The following GRM8 variants were observed in gnomAD, a reference collection of about 807,000 sequenced individuals.
GRM8 encodes metabotropic glutamate receptor 8.
GRM8 carries 47 observed loss-of-function variants against 87.2 expected under a neutral mutation model. The ratio of observed to expected loss-of-function variants is 0.54; its 90% CI spans 0.43 to 0.69. The LOEUF is 0.69. GRM8 is among the 30% of genes least tolerant of loss of function. The pLI, the probability that GRM8 is intolerant of heterozygous loss-of-function variation, is 0.00. For synonymous variants in GRM8, 396 were observed against 404.5 expected (o/e 0.98, Z 0.25); for missense variants, 1,019 against 1,139.2 (o/e 0.89, Z 1.52).
chr7:126,790,161 C>T (rs13239613), intron 6 of GRM8, among the ~76,000 whole-genome samples: 56,210 of 151,966 alleles, frequency 0.37, 11,716 homozygotes, highest in Non-Finnish European at 0.47. Context: ...GCGTGCACCA[C>T]AATGCTCAGC....
At chr7:126,441,122 CT>C (rs1283597155) in intron 10 of GRM8, among the ~76,000 whole-genome samples, 2 of 151,958 alleles carry the variant, frequency 1.3e-5, no homozygotes, top group Non-Finnish European at 2.9e-5. Context: ...TTATAATTAG[CT>C]GTCCTATGAG....
intron 3 of GRM8, among the ~76,000 whole-genome samples, chr7:126,905,727 T>A (rs1186480151): frequency 1.3e-5 from 2 of 152,124 alleles, no homozygotes; most frequent in Admixed American, 6.5e-5. Context: ...GAAATAGGCA[T>A]TTGAATAAGT....
At position 126,516,151 on chromosome 7, in the gene GRM8, A is replaced by T. The variant is rs150989466; in HGVS notation, c.2430+16801T>A. Among the ~76,000 whole-genome samples, 292 of 152,094 alleles carry T rather than the reference A, an allele frequency of 1.9e-3. 2 individuals are homozygous for T. The highest frequency in any genetic ancestry group is 6.7e-3 in the African/African-American group (278 of 41,522). ...TCATCTTATCAATCTACTCTCATCA[A>T]CCTAGAATACAGTTGCTGGATAAAA... On this transcript the variant is annotated intron_variant, in intron 9 of 10. Coordinates refer to ENST00000339582, the MANE Select transcript of GRM8 (RefSeq NM_000845.3).
At chr7:126,524,112 A>G (rs1193049102) in intron 9 of GRM8, among the ~76,000 whole-genome samples, 1 of 152,178 alleles carries the variant, frequency 6.6e-6, no homozygotes, top group African/African-American at 2.4e-5. Context: ...ATGGATATAT[A>G]TGAATATATT....
intron 9 of GRM8, among the ~76,000 whole-genome samples, chr7:126,526,399 C>T (rs995761460): frequency 6.6e-6 from 1 of 152,102 alleles, no homozygotes; most frequent in Non-Finnish European, 1.5e-5. Context: ...AAAGTTCAAC[C>T]ATTTCGATGT....
chr7:126,794,931 A>G (rs1442075189), intron 6 of GRM8, among the ~76,000 whole-genome samples: 2 of 152,172 alleles, frequency 1.3e-5, no homozygotes, highest in Non-Finnish European at 2.9e-5. Flanking sequence ...GAAAATTTAT[A>G]AAAACACCAA....
At chr7:126,706,360 T>C (rs1350659034) in intron 7 of GRM8, among the ~76,000 whole-genome samples, 2 of 152,066 alleles carry the variant, frequency 1.3e-5, no homozygotes, top group East Asian at 1.9e-4. Context: ...AATGGTCTAG[T>C]TCCTGTCCAA....
intron 8 of GRM8, among the ~76,000 whole-genome samples, chr7:126,567,584 G>T (rs535257367): frequency 6.6e-6 from 1 of 152,224 alleles, no homozygotes; most frequent in South Asian, 2.1e-4. Context: ...TAGATTTCAT[G>T]TTAAGTGTTT....
intron 8 of GRM8, among the ~76,000 whole-genome samples, chr7:126,597,274 C>A (rs1797300425): frequency 1.3e-5 from 2 of 151,994 alleles, no homozygotes; most frequent in African/African-American, 2.4e-5. Flanking sequence ...ATTAATTTTT[C>A]TTTTGTCTTG....
intron 7 of GRM8, among the ~76,000 whole-genome samples, chr7:126,683,363 T>A (rs768480438): frequency 1.3e-4 from 20 of 152,320 alleles, no homozygotes; most frequent in South Asian, 8.3e-4. Flanking sequence ...ACTAACTCAT[T>A]CCCAATGAAG....
chr7:126,634,910 G>C (rs1349165287), intron 7 of GRM8, among the ~76,000 whole-genome samples: 16 of 152,206 alleles, frequency 1.1e-4, no homozygotes, highest in African/African-American at 3.6e-4. Flanking sequence ...GTCATGACTA[G>C]ACAACCATCC....
chr7:127,223,483 AC>A (rs1797097954), intron 2 of GRM8, among the ~76,000 whole-genome samples: 3 of 138,042 alleles, frequency 2.2e-5, no homozygotes, highest in Non-Finnish European at 4.7e-5. Context: ...ACACACACAC[AC>A]ACAAAACTGT....
intron 6 of GRM8, among the ~76,000 whole-genome samples, chr7:126,829,669 G>A (rs1307599979): frequency 6.6e-6 from 1 of 151,994 alleles, no homozygotes; most frequent in Non-Finnish European, 1.5e-5. Flanking sequence ...TTGCCAGTCT[G>A]TGTCTTTTAA....
At chr7:126,720,881 C>T (rs1039777174) in intron 7 of GRM8, among the ~76,000 whole-genome samples, 6 of 152,196 alleles carry the variant, frequency 3.9e-5, no homozygotes, top group Non-Finnish European at 8.8e-5. Flanking sequence ...TATGGGGAGA[C>T]TCAGAGCTTT....
At chr7:127,132,853 A>G (rs1827762573) in intron 2 of GRM8, among the ~76,000 whole-genome samples, 1 of 152,180 alleles carries the variant, frequency 6.6e-6, no homozygotes, top group Non-Finnish European at 1.5e-5. Flanking sequence ...TGGCAAAAGC[A>G]GGGCACATAG....
At chr7:127,124,251 A>T (rs1279662399) in intron 2 of GRM8, among the ~76,000 whole-genome samples, 1 of 152,180 alleles carries the variant, frequency 6.6e-6, no homozygotes, top group African/African-American at 2.4e-5. Context: ...CAGCATTGAG[A>T]CCGGCTTTTG....
intron 3 of GRM8, among the ~76,000 whole-genome samples, chr7:126,951,906 T>C (rs966260416): frequency 6.6e-6 from 1 of 151,994 alleles, no homozygotes; most frequent in African/African-American, 2.4e-5. Flanking sequence ...GTTATTCATA[T>C]GCATATATTT....
chr7:127,212,938 A>G (rs2116645466), intron 2 of GRM8, among the ~76,000 whole-genome samples: 1 of 152,312 alleles, frequency 6.6e-6, no homozygotes, highest in East Asian at 1.9e-4. Flanking sequence ...GAGGTCCTGA[A>G]TCTCCTCTGT....
intron 2 of GRM8, among the ~76,000 whole-genome samples, chr7:127,148,169 G>A (rs1828651817): frequency 6.6e-6 from 1 of 151,924 alleles, no homozygotes; most frequent in Non-Finnish European, 1.5e-5. Flanking sequence ...TCTTAAATGG[G>A]TGCAACAGAG....
Sources: gnomAD v4.1 joint callset for allele counts (sites outside exome capture counted in the v4.1 genomes callset) on GRCh38, gnomAD v4.1.1 for gene constraint, MANE v1.5 for transcripts, NCBI Gene and HGNC (gene_info 2026-07-23, HGNC 2026-07-21) for gene names.